DYNC1I2: variants seen among roughly 807,000 people sequenced by gnomAD.
DYNC1I2 encodes dynein cytoplasmic 1 intermediate chain 2, also known as cytoplasmic dynein 1 intermediate chain 2.
DYNC1I2 carries 53 observed loss-of-function variants against 88.6 expected under a neutral mutation model. That is an observed-to-expected ratio of 0.60 (90% CI 0.48 to 0.75). The LOEUF (loss-of-function observed/expected upper bound fraction) is 0.75, where lower values mean the gene tolerates loss of function less well. Ranked by LOEUF, DYNC1I2 falls within the 30% of genes least tolerant of loss-of-function variation. The pLI, the probability that DYNC1I2 is intolerant of heterozygous loss-of-function variation, is 0.00. For synonymous variants in DYNC1I2, 198 were observed against 254.6 expected, an observed-to-expected ratio of 0.78 and a Z score of 2.12; for missense variants, 458 against 766.6, an observed-to-expected ratio of 0.60 and a Z score of 4.75.
chr2:171,715,098 C>G (rs1191794777), intron 6 of DYNC1I2, among the ~76,000 whole-genome samples: 1 of 152,096 alleles, frequency 6.6e-6, no homozygotes, highest in African/African-American at 2.4e-5. Flanking sequence ...AATTACTTGC[C>G]TTTTTAAAAT....
In DYNC1I2 at chr2:171,747,205, A is replaced by ATT. The variant is rs1395260505; in HGVS notation, c.1804-571_1804-570insTT. ...TGGGACTGTCTCAAAAAAAAAAAAA[A>ATT]ATTATATATATATATATATATATAT... On this transcript the variant is annotated intron_variant, in intron 17 of 17. Transcript: ENST00000397119. Among the ~76,000 whole-genome samples the ATT allele has an allele frequency of 3.2e-3, 316 of 98,560 alleles. 2 individuals carry two copies. Among genetic ancestry groups the ATT allele is most frequent in the Admixed American group, 9.2e-3 (69 of 7,460 alleles). The allele number at this position is 98,560 out of a possible 152,430, so 64.7% of individuals were successfully genotyped here.
intron 7 of DYNC1I2, among the ~76,000 whole-genome samples, chr2:171,723,045 T>C (rs909603270): frequency 6.6e-6 from 1 of 152,176 alleles, no homozygotes; most frequent in African/African-American, 2.4e-5. Flanking sequence ...GTCTGACATA[T>C]TTCATCTACA....
At chr2:171,697,684 CAAAAAA>C (rs142133174) in intron 3 of DYNC1I2, among the ~76,000 whole-genome samples, 1 of 124,986 alleles carries the variant, frequency 8.0e-6, no homozygotes, top group African/African-American at 2.9e-5. Context: ...CCTGTCTCTA[CAAAAAA>C]AAAAAAAGAA....
intron 15 of DYNC1I2, among the ~76,000 whole-genome samples, chr2:171,731,878 C>G (rs1688637653): frequency 6.6e-6 from 1 of 152,148 alleles, no homozygotes; most frequent in Non-Finnish European, 1.5e-5. Flanking sequence ...AGTAATCATA[C>G]AAAGGCAAGA....
chr2:171,708,661 C>T (rs777409818), intron 5 of DYNC1I2, among the ~76,000 whole-genome samples: 1 of 151,716 alleles, frequency 6.6e-6, no homozygotes, highest in Non-Finnish European at 1.5e-5. Flanking sequence ...ATATTTTGTG[C>T]TTCTATATTT....
chr2:171,743,316 G>A (rs1038365656), intron 15 of DYNC1I2, among the ~76,000 whole-genome samples: 8 of 152,108 alleles, frequency 5.3e-5, no homozygotes, highest in Non-Finnish European at 1.2e-4. Context: ...AGGAAGGGTT[G>A]GTTGTGCTGT....
chr2:171,697,684 CA>C (rs142133174), intron 3 of DYNC1I2, among the ~76,000 whole-genome samples: 173 of 124,868 alleles, frequency 1.4e-3, no homozygotes, highest in Middle Eastern at 4.3e-3. Context: ...CCTGTCTCTA[CA>C]AAAAAAAAAA....
At chr2:171,709,875 G>C (rs368867054) in intron 5 of DYNC1I2, among the ~76,000 whole-genome samples, 1 of 151,936 alleles carries the variant, frequency 6.6e-6, no homozygotes, top group South Asian at 2.1e-4. Context: ...GCACAACCGC[G>C]CCCAGCTAAT....
chr2:171,717,135 T>C (rs1376917534), intron 7 of DYNC1I2, among the ~76,000 whole-genome samples: 1 of 132,020 alleles, frequency 7.6e-6, no homozygotes, highest in Non-Finnish European at 1.6e-5. Flanking sequence ...TTTGTTCAAG[T>C]ATTTTCTTTT....
chr2:171,712,579 C>T, intron 5 of DYNC1I2, 188 bp from the exon 6 acceptor site: 1 of 546,496 alleles, frequency 1.8e-6, no homozygotes, highest in Non-Finnish European at 3.2e-6. Context: ...CTATTGCATG[C>T]ACTAGATGAT....
chr2:171,691,715 T>C (rs1240081049), intron 2 of DYNC1I2, among the ~76,000 whole-genome samples: 1 of 152,218 alleles, frequency 6.6e-6, no homozygotes, highest in African/African-American at 2.4e-5. Context: ...ATTTCCGTGC[T>C]GAGAGCAAAT....
At chr2:171,735,271 A>C (rs1227485935) in intron 15 of DYNC1I2, among the ~76,000 whole-genome samples, 1 of 152,200 alleles carries the variant, frequency 6.6e-6, no homozygotes, top group Non-Finnish European at 1.5e-5. Context: ...GAGATTTATA[A>C]TTCAGTCACA....
At chr2:171,695,332 C>G (rs529847959) in intron 3 of DYNC1I2, among the ~76,000 whole-genome samples, 2 of 152,146 alleles carry the variant, frequency 1.3e-5, no homozygotes, top group African/African-American at 2.4e-5. Context: ...AACTCCTGAC[C>G]TCATGATCCG....
At chr2:171,738,058 G>A (rs1036562005) in intron 15 of DYNC1I2, among the ~76,000 whole-genome samples, 12 of 152,072 alleles carry the variant, frequency 7.9e-5, no homozygotes, top group Admixed American at 3.3e-4. Flanking sequence ...TCAGCCAGGC[G>A]CAGTAGCTAA....
intron 7 of DYNC1I2, among the ~76,000 whole-genome samples, chr2:171,723,367 A>G (rs1236927379): frequency 6.6e-6 from 1 of 152,226 alleles, no homozygotes. Context: ...CTTGATTAGG[A>G]TAACTGGTAG....
chr2:171,734,394 C>A (rs1339391156), intron 15 of DYNC1I2, among the ~76,000 whole-genome samples: 2 of 152,024 alleles, frequency 1.3e-5, no homozygotes, highest in East Asian at 3.9e-4. Context: ...TATTTTTATT[C>A]TTGTATTTTA....
chr2:171,737,081 T>A (rs1689059981), intron 15 of DYNC1I2, among the ~76,000 whole-genome samples: 1 of 152,196 alleles, frequency 6.6e-6, no homozygotes, highest in African/African-American at 2.4e-5. Context: ...GGCTAGTTAC[T>A]TTTGGAGGTT....
chr2:171,714,876 AC>A (rs1311171369), intron 6 of DYNC1I2, among the ~76,000 whole-genome samples: 2 of 152,110 alleles, frequency 1.3e-5, no homozygotes, highest in African/African-American at 4.8e-5. Flanking sequence ...TTCAACAGAA[AC>A]CTGTTTTTCA....
chr2:171,735,754 A>G (rs1464590486), intron 15 of DYNC1I2, among the ~76,000 whole-genome samples: 1 of 152,208 alleles, frequency 6.6e-6, no homozygotes, highest in African/African-American at 2.4e-5. Context: ...GGTAACAAGG[A>G]TTCTAGAAGA....
Sources: gnomAD v4.1 joint callset for allele counts (sites outside exome capture counted in the v4.1 genomes callset) on GRCh38, gnomAD v4.1.1 for gene constraint, MANE v1.5 for transcripts, NCBI Gene and HGNC (gene_info 2026-07-23, HGNC 2026-07-21) for gene names.